MSRA: variants seen among roughly 807,000 people sequenced by gnomAD.
MSRA encodes methionine sulfoxide reductase A.
MSRA carries 54 observed loss-of-function variants against 31.3 expected under a neutral mutation model. That is an observed-to-expected ratio of 1.73 (90% CI 1.39 to 2.17). MSRA has a LOEUF of 2.17. Ranked by LOEUF, MSRA falls within the 30% of genes most tolerant of loss-of-function variation. The probability of loss-of-function intolerance (pLI) is 0.00; values close to 1 mark genes in which losing one functional copy is unlikely to be tolerated. For synonymous variants in MSRA, 169 were observed against 116.5 expected, an observed-to-expected ratio of 1.45 and a Z score of -2.90; for missense variants, 507 against 300.9, an observed-to-expected ratio of 1.69 and a Z score of -5.07.
In MSRA at chr8:10,072,890, G is replaced by C. The variant is rs148332006; in HGVS notation, c.142+18232G>C. Among the ~76,000 whole-genome samples the C allele has an allele frequency of 5.3e-4, 80 of 152,042 alleles. 1 individual carries two copies. The highest frequency in any genetic ancestry group is 1.8e-3 in the African/African-American group (75 of 41,472). ...TAAATGATATGGTATCTTTAATTTT[G>C]GTTTCCACCTGTTCATTGATAGTAT... On this transcript the variant is annotated intron_variant, in intron 1 of 5. Coordinates refer to ENST00000317173, the MANE Select transcript of MSRA (RefSeq NM_012331.5).
chr8:10,177,255 T>G (rs565695029), intron 1 of MSRA, among the ~76,000 whole-genome samples: 67 of 152,328 alleles, frequency 4.4e-4, no homozygotes, highest in African/African-American at 1.6e-3. Flanking sequence ...GCTGATTCAT[T>G]GGTGGGGGAT....
At chr8:10,213,739 T>G (rs538965286) in intron 2 of MSRA, among the ~76,000 whole-genome samples, 1 of 152,250 alleles carries the variant, frequency 6.6e-6, no homozygotes, top group South Asian at 2.1e-4. Flanking sequence ...GATGGACACT[T>G]AGGTTGCTTC....
intron 3 of MSRA, among the ~76,000 whole-genome samples, chr8:10,293,786 C>T (rs1188367275): frequency 6.6e-6 from 1 of 152,100 alleles, no homozygotes; most frequent in African/African-American, 2.4e-5. Context: ...CTCTGGGGCT[C>T]CTGTGAGTCT....
intron 3 of MSRA, among the ~76,000 whole-genome samples, chr8:10,262,186 G>A (rs992621260): frequency 1.3e-5 from 2 of 152,126 alleles, no homozygotes; most frequent in Admixed American, 6.5e-5. Context: ...TGCTATTAAC[G>A]TTTGTGTACA....
At chr8:10,176,067 G>A (rs1424464956) in intron 1 of MSRA, among the ~76,000 whole-genome samples, 1 of 152,202 alleles carries the variant, frequency 6.6e-6, no homozygotes, top group Admixed American at 6.5e-5. Context: ...CTCTGTTGCT[G>A]ATAGCCCAGA....
At chr8:10,355,407 A>G (rs1167472836) in intron 5 of MSRA, among the ~76,000 whole-genome samples, 1 of 152,204 alleles carries the variant, frequency 6.6e-6, no homozygotes, top group East Asian at 1.9e-4. Context: ...TCACTTTCCA[A>G]ACCAAAGCAA....
chr8:10,233,869 C>T (rs1811705840), intron 2 of MSRA, among the ~76,000 whole-genome samples: 1 of 152,012 alleles, frequency 6.6e-6, no homozygotes, highest in South Asian at 2.1e-4. Context: ...AAATGAATGA[C>T]ATCTAGATTT....
At chr8:10,403,635 G>C (rs1220555449) in intron 5 of MSRA, among the ~76,000 whole-genome samples, 1 of 152,252 alleles carries the variant, frequency 6.6e-6, no homozygotes, top group African/African-American at 2.4e-5. Flanking sequence ...CCTCGTGTGT[G>C]TCTGTGGCCC....
intron 2 of MSRA, among the ~76,000 whole-genome samples, chr8:10,222,111 C>T (rs1308310661): frequency 6.6e-6 from 1 of 151,520 alleles, no homozygotes; most frequent in African/African-American, 2.4e-5. Context: ...CGTGAGTGCT[C>T]TGTTGAAGAT....
At chr8:10,384,629 G>C (rs1361470248) in intron 5 of MSRA, among the ~76,000 whole-genome samples, 1 of 152,214 alleles carries the variant, frequency 6.6e-6, no homozygotes. Flanking sequence ...AAGCTTCCAG[G>C]TGTTTTCAGG....
intron 3 of MSRA, among the ~76,000 whole-genome samples, chr8:10,255,817 G>C (rs1156917649): frequency 6.6e-6 from 1 of 151,714 alleles, no homozygotes; most frequent in East Asian, 1.9e-4. Flanking sequence ...TAAAAAACAA[G>C]TTTTAATTTT....
At chr8:10,082,828 T>C (rs907661016) in intron 1 of MSRA, among the ~76,000 whole-genome samples, 7 of 152,212 alleles carry the variant, frequency 4.6e-5, no homozygotes, top group African/African-American at 1.7e-4. Context: ...CTCTATCACC[T>C]TATCCCTGGA....
intron 1 of MSRA, among the ~76,000 whole-genome samples, chr8:10,082,912 G>A (rs1436236139): frequency 2.6e-5 from 4 of 152,222 alleles, no homozygotes; most frequent in Admixed American, 6.5e-5. Flanking sequence ...TGCTCAGCAC[G>A]GTGCTAATGG....
intron 2 of MSRA, among the ~76,000 whole-genome samples, chr8:10,214,871 T>C (rs550269393): frequency 1.3e-5 from 2 of 152,342 alleles, no homozygotes; most frequent in South Asian, 4.1e-4. Flanking sequence ...TTCGTTTTCT[T>C]CTTGAGTGTA....
intron 1 of MSRA, among the ~76,000 whole-genome samples, chr8:10,189,431 G>C (rs1390483763): frequency 6.6e-6 from 1 of 152,068 alleles, no homozygotes; most frequent in Non-Finnish European, 1.5e-5. Flanking sequence ...CCTAATTTAA[G>C]GCTGAGAACG....
At chr8:10,061,378 T>C (rs1585065235) in intron 1 of MSRA, among the ~76,000 whole-genome samples, 1 of 152,190 alleles carries the variant, frequency 6.6e-6, no homozygotes, top group South Asian at 2.1e-4. Context: ...TTTGCCCTGC[T>C]CTAATTCCCC....
intron 5 of MSRA, among the ~76,000 whole-genome samples, chr8:10,364,837 G>GTA (rs1452863708): frequency 6.6e-6 from 1 of 152,190 alleles, no homozygotes; most frequent in Non-Finnish European, 1.5e-5. Context: ...ATCCCCGGAT[G>GTA]TAGAAACATT....
At chr8:10,249,488 AAAGTGTATGTAACTTTT>A (rs1397074196) in intron 3 of MSRA, among the ~76,000 whole-genome samples, 4 of 152,174 alleles carry the variant, frequency 2.6e-5, no homozygotes, top group South Asian at 2.1e-4. Context: ...ACCTGTTTTA[AAAGTGTATGTAACTTTT>A]AAGTAACCTA....
intron 1 of MSRA, among the ~76,000 whole-genome samples, chr8:10,151,070 A>G (rs1803621749): frequency 6.6e-6 from 1 of 151,670 alleles, no homozygotes; most frequent in Admixed American, 6.6e-5. Flanking sequence ...CCCTCTATCT[A>G]GTTGGGATCC....
Sources: allele counts gnomAD v4.1 joint callset (sites outside exome capture counted in the v4.1 genomes callset), GRCh38; gene constraint gnomAD v4.1.1; transcripts MANE v1.5; gene names NCBI Gene and HGNC (gene_info 2026-07-23, HGNC 2026-07-21).